KLHL25: variants seen among roughly 807,000 people sequenced by gnomAD.
The protein encoded by KLHL25 is kelch like family member 25.
Under a neutral mutation model 30.0 loss-of-function variants are expected in KLHL25, and 41 were observed. The ratio of observed to expected loss-of-function variants is 1.37; its 90% confidence interval spans 1.07 to 1.78. The LOEUF (loss-of-function observed/expected upper bound fraction) is 1.78. KLHL25 is among the 40% of genes most tolerant of loss of function. KLHL25 has a pLI of 0.00. For synonymous variants in KLHL25, 399 were observed against 355.3 expected (o/e 1.12, Z -1.38); for missense variants, 971 against 824.5 (o/e 1.18, Z -2.18).
intron 1 of KLHL25, among the ~76,000 whole-genome samples, chr15:85,790,487 C>A (rs1244299761): frequency 1.3e-5 from 2 of 152,196 alleles, no homozygotes; most frequent in Non-Finnish European, 2.9e-5. Context: ...TATAAAACTG[C>A]TGAACACCAG....
Position 85,768,093 on chromosome 15 carries a change from T to C in KLHL25, c.1718A>G (p.Tyr573Cys). 2 of 1,614,020 alleles carry C rather than the reference T, an allele frequency of 1.2e-6. No homozygotes were observed. Among genetic ancestry groups the C allele is most frequent in the African/African-American group, 1.3e-5 (1 of 74,998 alleles). Residue 573 changes from tyrosine (Y) to cysteine (C), a missense_variant, in exon 2 of 3, where the codon TAC (tyrosine) becomes TGC (cysteine). Tyr to Cys is a radical substitution (Grantham distance 194). Coordinates refer to ENST00000337975, the MANE Select transcript of KLHL25 (RefSeq NM_022480.4). ...GACAAAGGCCGTGGGGATAAGTGAG[T>C]AGGGCACTGTGGTGATGCAGTTCCA... Reference protein sequence around the residue: ...DTWNCITTVPYSLIPTAFVST... With the variant: ...DTWNCITTVPCSLIPTAFVST...
rs140676741 is a variant in KLHL25 at position 85,777,735 on chromosome 15, C to T, written c.-10-7915G>A. Among the ~76,000 whole-genome samples the T allele has an allele frequency of 2.4e-3, 371 of 152,306 alleles. 4 individuals carry two copies. Among genetic ancestry groups the T allele is most frequent in the African/African-American group, 8.6e-3 (358 of 41,562 alleles). Reference sequence around the variant, plus strand: ...CTCCAGAGGAACGGGTCAGGCGGTGCACCACGCTGGGCCCTACCCAGTTTG... The same window carrying T: ...CTCCAGAGGAACGGGTCAGGCGGTGTACCACGCTGGGCCCTACCCAGTTTG... On this transcript the variant is annotated intron_variant, in intron 1 of 2. Coordinates refer to ENST00000337975, the MANE Select transcript of KLHL25 (RefSeq NM_022480.4).
chr15:85,786,050 G>A (rs189762744), intron 1 of KLHL25, among the ~76,000 whole-genome samples: 1 of 139,852 alleles, frequency 7.2e-6, no homozygotes, highest in South Asian at 2.3e-4. Context: ...CCAACTCTCA[G>A]AATCAGGAGG....
In KLHL25 at chr15:85,760,881, G is replaced by C. The variant is rs1043178182; in HGVS notation, c.*155C>G. The stretch of plus-strand genomic sequence containing the variant: ...CTTCTCTTCTCTTGCCTAAAGCTCA[G>C]AACAGCCCAAGGCTGCTGCTCCCCA... On this transcript the variant is annotated 3_prime_UTR_variant, in exon 3 of 3. Coordinates refer to ENST00000337975, the MANE Select transcript of KLHL25 (RefSeq NM_022480.4). 1.3e-5 allele frequency: 2 copies of C among 152,446 alleles called. No homozygotes were observed. The highest frequency in any genetic ancestry group is 3.4e-3 in the Middle Eastern group (1 of 294). The allele number at this position is 152,446 out of a possible 1,614,324, so 9.4% of individuals were successfully genotyped here.
intron 2 of KLHL25, among the ~76,000 whole-genome samples, chr15:85,765,867 GAAAAAAGAAAAC>G (rs2089620571): frequency 6.6e-6 from 1 of 150,902 alleles, no homozygotes; most frequent in Non-Finnish European, 1.5e-5. Flanking sequence ...AAAAATAAAA[GAAAAAAGAAAAC>G]TGGTGTTCCT....
chr15:85,786,200 T>A (rs1403244698), intron 1 of KLHL25, among the ~76,000 whole-genome samples: 1 of 152,150 alleles, frequency 6.6e-6, no homozygotes, highest in East Asian at 1.9e-4. Flanking sequence ...GGTTACCCTC[T>A]CCCTTCCCCC....
rs942625103 is a variant in KLHL25 at position 85,794,863 on chromosome 15, T to C, written c.-108A>G. The C allele has an allele frequency of 6.6e-6, 1 of 152,212 alleles. No individual in the cohort carries two copies. Among genetic ancestry groups the C allele is most frequent in the African/African-American group, 2.4e-5 (1 of 41,382 alleles). The allele number at this position is 152,212 out of a possible 1,614,324, so 9.4% of individuals were successfully genotyped here. A position where few individuals can be genotyped will look rare whatever the true frequency, so the allele number is the denominator to read the frequency against. ...TCCGCCGCGGCTCCCGTCGGCCGGC[T>C]CTCCACAGGCAAAAACGCTCTCGCT... is the stretch of plus-strand genomic sequence containing the variant. On this transcript the variant is annotated 5_prime_UTR_variant, in exon 1 of 3. Coordinates refer to ENST00000337975, the MANE Select transcript of KLHL25 (RefSeq NM_022480.4).
At chr15:85,785,506 A>G (rs1471748601) in intron 1 of KLHL25, among the ~76,000 whole-genome samples, 5 of 151,982 alleles carry the variant, frequency 3.3e-5, no homozygotes, top group African/African-American at 1.2e-4. Flanking sequence ...CATTGCTTAC[A>G]GCTTTGGAGC....
At chr15:85,780,663 C>G (rs1162787368) in intron 1 of KLHL25, among the ~76,000 whole-genome samples, 4 of 152,212 alleles carry the variant, frequency 2.6e-5, no homozygotes, top group African/African-American at 9.7e-5. Context: ...TCCAGAAGCT[C>G]TGTTCTTCTC....
chr15:85,791,363 T>C (rs1469732832), intron 1 of KLHL25, among the ~76,000 whole-genome samples: 1 of 150,776 alleles, frequency 6.6e-6, no homozygotes, highest in Non-Finnish European at 1.5e-5. Flanking sequence ...GGCATGGTGG[T>C]GTGTGCCTGT....
chr15:85,769,982 A>G (rs1451423136), intron 1 of KLHL25, among the ~76,000 whole-genome samples, 162 bp from the exon 2 acceptor site: 1 of 152,186 alleles, frequency 6.6e-6, no homozygotes, highest in Non-Finnish European at 1.5e-5. Flanking sequence ...CAAGGACAAC[A>G]CAGGCAAGAG....
At chr15:85,771,634 T>TA (rs2089675427) in intron 1 of KLHL25, among the ~76,000 whole-genome samples, 1 of 152,176 alleles carries the variant, frequency 6.6e-6, no homozygotes. Flanking sequence ...AAGCTCCAGG[T>TA]AGACTGTACA....
At chr15:85,764,918 C>CA (rs1308551517) in intron 2 of KLHL25, among the ~76,000 whole-genome samples, 1 of 152,212 alleles carries the variant, frequency 6.6e-6, no homozygotes, top group Non-Finnish European at 1.5e-5. Context: ...GTGAAGCAGC[C>CA]AAAAAGTCAC....
At chr15:85,791,473 C>A (rs986042554) in intron 1 of KLHL25, among the ~76,000 whole-genome samples, 5 of 152,120 alleles carry the variant, frequency 3.3e-5, no homozygotes, top group East Asian at 1.9e-4. Context: ...CCAGCCTGGG[C>A]GACAGAGCGA....
At position 85,759,402 on chromosome 15, in the gene KLHL25, C is replaced by T. The variant is rs2089563270; in HGVS notation, c.*1634G>A. On this transcript the variant is annotated 3_prime_UTR_variant, in exon 3 of 3. Transcript: ENST00000337975. Reference sequence around the variant, plus strand: ...TTTGGGGAAAGCACCATGGCACGTCCTTTGTGCTATGTGATAAGTGTGCTT... The same window carrying T: ...TTTGGGGAAAGCACCATGGCACGTCTTTTGTGCTATGTGATAAGTGTGCTT... The T allele has an allele frequency of 6.6e-6, 1 of 152,538 alleles. No individual in the cohort carries two copies. Among genetic ancestry groups the T allele is most frequent in the Non-Finnish European group, 1.5e-5 (1 of 68,042 alleles). The allele number at this position is 152,538 out of a possible 1,614,324, so 9.4% of individuals were successfully genotyped here.
intron 2 of KLHL25, among the ~76,000 whole-genome samples, chr15:85,766,790 C>T (rs1275248721): frequency 6.6e-6 from 1 of 152,200 alleles, no homozygotes; most frequent in Admixed American, 6.5e-5. Flanking sequence ...CAAGGATGAC[C>T]TCGCTTAAGC....
At chr15:85,770,721 C>T (rs2089665567) in intron 1 of KLHL25, 1 of 368,112 alleles carries the variant, frequency 2.7e-6, no homozygotes. Flanking sequence ...GAAGCCAGAG[C>T]TTCCCAGGTC....
In KLHL25 at chr15:85,769,646, A is replaced by ACGGT; in HGVS notation, c.161_164dup (p.Ala56ProfsTer14). On this transcript the variant is annotated frameshift_variant, in exon 2 of 3. Coordinates refer to ENST00000337975, the MANE Select transcript of KLHL25 (RefSeq NM_022480.4). LOFTEE classifies it high-confidence loss of function. The stretch of plus-strand genomic sequence containing the variant: ...GCACGGCACGGTGACAGGGGAAGGC[A>ACGGT]CGGTCGCCCGCCCAGAGTGTGACGT... 6.2e-7 allele frequency: 1 copy of ACGGT among 1,613,588 alleles called. No individual in the cohort carries two copies. The highest frequency in any genetic ancestry group is 1.3e-5 in the African/African-American group (1 of 75,060).
intron 1 of KLHL25, among the ~76,000 whole-genome samples, chr15:85,781,060 A>G (rs555006005): frequency 6.6e-6 from 1 of 152,320 alleles, no homozygotes; most frequent in Non-Finnish European, 1.5e-5. Context: ...GGCCGGGCGC[A>G]GTGGCTCATG....
Sources: allele counts gnomAD v4.1 joint callset (sites outside exome capture counted in the v4.1 genomes callset), GRCh38; gene constraint gnomAD v4.1.1; transcripts MANE v1.5; gene names NCBI Gene and HGNC (gene_info 2026-07-23, HGNC 2026-07-21).